The following DCAF6 variants were observed in gnomAD, a reference collection of about 807,000 sequenced individuals.
The protein encoded by DCAF6 is DDB1 and CUL4 associated factor 6.
In DCAF6, 54 loss-of-function variants were observed where a neutral mutation model predicts 125.1. The observed-to-expected ratio is 0.43, with a 90% CI of 0.35 to 0.54. DCAF6 has a LOEUF of 0.54. Among genes scored for constraint, DCAF6 ranks in the 20% least tolerant of loss-of-function variants. The pLI, the probability that DCAF6 is intolerant of heterozygous loss-of-function variation, is 0.01. For missense variants in DCAF6, 934 were observed against 1,161.7 expected (o/e 0.80, Z 2.85); for synonymous variants, 371 against 390.4 (o/e 0.95, Z 0.58).
At chr1:168,002,922 C>T (rs934187821) in intron 8 of DCAF6, among the ~76,000 whole-genome samples, 1 of 152,128 alleles carries the variant, frequency 6.6e-6, no homozygotes, top group Non-Finnish European at 1.5e-5. Flanking sequence ...AATGAAAACT[C>T]AGCCCAAGGG....
intron 4 of DCAF6, among the ~76,000 whole-genome samples, chr1:167,987,264 G>C (rs1680141269): frequency 1.3e-5 from 2 of 152,128 alleles, no homozygotes; most frequent in South Asian, 4.1e-4. Flanking sequence ...CTGAAGTTAA[G>C]TTAATGCTAA....
At chr1:167,888,893 A>AAG in the DCAF6 span, among the ~76,000 whole-genome samples, 6 of 151,406 alleles carry the variant, frequency 4.0e-5, no homozygotes, top group Non-Finnish European at 7.4e-5. Context: ...AAAAAAAAGA[A>AAG]AAAGAAAGAA....
At chr1:168,045,390 A>G (rs1182571756) in intron 16 of DCAF6, among the ~76,000 whole-genome samples, 163 bp downstream of exon 16, 2 of 152,234 alleles carry the variant, frequency 1.3e-5, no homozygotes, top group African/African-American at 2.4e-5. Flanking sequence ...AAATGATTTT[A>G]CGTATTATAT....
intron 17 of DCAF6, among the ~76,000 whole-genome samples, chr1:168,062,026 GATAA>G (rs1299211517): frequency 9.2e-5 from 14 of 151,872 alleles, no homozygotes; most frequent in African/African-American, 2.7e-4. Flanking sequence ...TAGTAGAATG[GATAA>G]ATAAATATTA....
At chr1:168,072,294 T>TTAAAA (rs1693164135) in intron 21 of DCAF6, among the ~76,000 whole-genome samples, 2 of 41,016 alleles carry the variant, frequency 4.9e-5, no homozygotes, top group African/African-American at 1.6e-4. Context: ...AGAATCAGTC[T>TTAAAA]AAAAAAAAAA....
At chr1:167,941,740 A>G (rs1672269570) in intron 1 of DCAF6, among the ~76,000 whole-genome samples, 1 of 152,206 alleles carries the variant, frequency 6.6e-6, no homozygotes, top group Non-Finnish European at 1.5e-5. Flanking sequence ...AGATTAAAAA[A>G]ATTTTTTTTT....
Position 167,993,314 on chromosome 1 carries a change from G to C in DCAF6, c.777G>C (p.Leu259=), listed in dbSNP as rs781658607. Residue 259 remains leucine, a synonymous_variant, in exon 7 of 22, where the codon CTG becomes CTC. Transcript: ENST00000367840. ...ATAAGTCCTGCAGAGTGACATCTCT[G>C]TGTTACAGTGAAGATGGTCAAGAGA... ...LNNKSCRVTS[L]CYSEDGQEIL... is the part of the protein sequence containing the mutation. The C allele has an allele frequency of 1.9e-6, 3 of 1,613,788 alleles. No individual in the cohort carries two copies. The African/African-American group carries it at 4.0e-5, about 22-fold the overall frequency.
rs1214570082 is a variant in DCAF6 at position 167,993,483 on chromosome 1, C to G, written c.903+43C>G. On this transcript the variant is annotated intron_variant, in intron 7 of 21. Coordinates refer to ENST00000367840, the MANE Select transcript of DCAF6 (RefSeq NM_001198956.2). ...CATGTCCTTTGGCCGGGCGCGGTGG[C>G]TCACGCCTGTAATCCCAGCGCTTTG... 6.5e-6 allele frequency: 10 copies of G among 1,542,714 alleles called. No individual in the cohort carries two copies. The African/African-American group carries it at 1.2e-4, about 19-fold the overall frequency.
At position 168,045,057 on chromosome 1, in the gene DCAF6, T is replaced by C. The variant is rs749724505; in HGVS notation, c.2088T>C (p.Ala696=). The C allele has an allele frequency of 6.2e-7, 1 of 1,613,974 alleles. No individual in the cohort carries two copies. Among genetic ancestry groups the C allele is most frequent in the Non-Finnish European group, 8.5e-7 (1 of 1,179,942 alleles). Residue 696 remains alanine (A), a synonymous_variant, in exon 16 of 22, where the codon GCT becomes GCC. Transcript: ENST00000367840. The part of the protein sequence containing the change: ...ETSDQTSTES[A]TNENNTNPEP... Reference sequence around the variant, plus strand: ...CAGATCAGACTAGCACTGAGAGTGCTACCAATGAAAATAACACCAATCCTG... The same window carrying C: ...CAGATCAGACTAGCACTGAGAGTGCCACCAATGAAAATAACACCAATCCTG...
intron 2 of DCAF6, among the ~76,000 whole-genome samples, chr1:167,964,835 C>T (rs1453873660): frequency 6.6e-6 from 1 of 152,088 alleles, no homozygotes; most frequent in African/African-American, 2.4e-5. Context: ...ACTAATACGC[C>T]CATCAGAGGC....
At chr1:167,882,099 A>G in the DCAF6 span, among the ~76,000 whole-genome samples, 1 of 152,210 alleles carries the variant, frequency 6.6e-6, no homozygotes, top group Admixed American at 6.5e-5. Flanking sequence ...CTCTGCTTTT[A>G]ATACACAAAA....
At chr1:167,897,658 G>T in the DCAF6 span, among the ~76,000 whole-genome samples, 1 of 59,168 alleles carries the variant, frequency 1.7e-5, no homozygotes, top group Non-Finnish European at 3.1e-5. Flanking sequence ...GCAAGACAAC[G>T]GAACCACTGA....
chr1:167,962,771 G>C (rs912549080), intron 2 of DCAF6, among the ~76,000 whole-genome samples: 2 of 151,428 alleles, frequency 1.3e-5, no homozygotes, highest in Non-Finnish European at 2.9e-5. Context: ...CCTGGCCAAC[G>C]TGGCAAAACT....
At chr1:167,995,851 A>G (rs565796968) in intron 7 of DCAF6, among the ~76,000 whole-genome samples, 2 of 152,318 alleles carry the variant, frequency 1.3e-5, no homozygotes, top group Admixed American at 1.3e-4. Context: ...TTGGGTGCCT[A>G]CTATACACCA....
At chr1:167,870,806 T>TAAA in the DCAF6 span, among the ~76,000 whole-genome samples, 2 of 129,024 alleles carry the variant, frequency 1.6e-5, no homozygotes, top group Admixed American at 7.8e-5. Flanking sequence ...AAACTCCATC[T>TAAA]AAAAAAAAAA....
chr1:168,043,212 C>A, intron 14 of DCAF6, 72 bp downstream of exon 14: 1 of 1,106,796 alleles, frequency 9.0e-7, no homozygotes, highest in Non-Finnish European at 1.4e-6. Context: ...CTGTTCCCTT[C>A]GATGCTGTAT....
chr1:167,956,519 CATTA>C (rs1334479790), intron 2 of DCAF6, among the ~76,000 whole-genome samples: 1 of 152,064 alleles, frequency 6.6e-6, no homozygotes, highest in East Asian at 1.9e-4. Flanking sequence ...CCTCTGGTCT[CATTA>C]ATTGTCTCCG....
upstream of DCAF6, among the ~76,000 whole-genome samples, chr1:167,933,026 T>C (rs1280396477): frequency 6.6e-6 from 1 of 152,104 alleles, no homozygotes; most frequent in Non-Finnish European, 1.5e-5. Flanking sequence ...GCTAGAACTC[T>C]ATTCCTTCTC....
intron 16 of DCAF6, among the ~76,000 whole-genome samples, chr1:168,046,194 A>G (rs1689135990): frequency 6.6e-6 from 1 of 152,144 alleles, no homozygotes; most frequent in East Asian, 1.9e-4. Flanking sequence ...TCAGTTTCTT[A>G]TCTATAAAAT....
Sources: allele counts gnomAD v4.1 joint callset (sites outside exome capture counted in the v4.1 genomes callset), GRCh38; gene constraint gnomAD v4.1.1; transcripts MANE v1.5; gene names NCBI Gene and HGNC (gene_info 2026-07-23, HGNC 2026-07-21).